EML6: variants seen among roughly 807,000 people sequenced by gnomAD.
EML6 encodes the protein EMAP like 6.
In EML6, 154 loss-of-function variants were observed where a neutral mutation model predicts 240.1. The observed-to-expected ratio is 0.64, with a 90% CI of 0.56 to 0.73. EML6 has a LOEUF of 0.73. Ranked by LOEUF, EML6 falls within the 30% of genes least tolerant of loss-of-function variation. The pLI, the probability that EML6 is intolerant of heterozygous loss-of-function variation, is 0.00. For missense variants in EML6, 2,964 were observed against 2,474.6 expected, an observed-to-expected ratio of 1.20 and a Z score of -4.20; for synonymous variants, 1,148 against 899.0, an observed-to-expected ratio of 1.28 and a Z score of -4.95.
chr2:54,786,599 A>G (rs563271780), intron 2 of EML6, among the ~76,000 whole-genome samples: 7 of 152,308 alleles, frequency 4.6e-5, no homozygotes, highest in Non-Finnish European at 8.8e-5. Context: ...GACAGTTTAC[A>G]CAAGGTAGAA....
chr2:54,925,108 A>G (rs1163761890), intron 26 of EML6, among the ~76,000 whole-genome samples: 1 of 152,164 alleles, frequency 6.6e-6, no homozygotes, highest in Non-Finnish European at 1.5e-5. Context: ...AGATTAAATG[A>G]GTTTATAAGG....
intron 2 of EML6, among the ~76,000 whole-genome samples, chr2:54,796,624 GCA>G (rs553268007): frequency 2.0e-5 from 3 of 151,706 alleles, no homozygotes; most frequent in Admixed American, 1.3e-4. Flanking sequence ...ATACACGAGC[GCA>G]CACACACACT....
At chr2:54,802,055 AT>A (rs1443293897) in intron 2 of EML6, among the ~76,000 whole-genome samples, 1 of 152,170 alleles carries the variant, frequency 6.6e-6, no homozygotes, top group Non-Finnish European at 1.5e-5. Context: ...CAACTTACTC[AT>A]TCAACATGTA....
Position 54,910,891 on chromosome 2 carries a change from A to C in EML6, c.3410-63A>C, listed in dbSNP as rs746071597. 6 of 809,074 alleles carry C rather than the reference A, an allele frequency of 7.4e-6. No homozygotes were observed. In the East Asian group the frequency reaches 1.1e-4, roughly 15 times the overall value. The allele number at this position is 809,074 out of a possible 1,614,324, so 50.1% of individuals were successfully genotyped here. A position where few individuals can be genotyped will look rare whatever the true frequency, so the allele number is the denominator to read the frequency against. ...AATCAAAATAGCACCCATGCTTCTC[A>C]TTTTATAATAAAGAGATAAAGTCAG... On this transcript the variant is annotated intron_variant, in intron 24 of 41. Coordinates refer to ENST00000356458, the MANE Select transcript of EML6 (RefSeq NM_001039753.4).
At chr2:54,795,898 C>A in intron 2 of EML6, among the ~76,000 whole-genome samples, 1 of 152,132 alleles carries the variant, frequency 6.6e-6, no homozygotes, top group East Asian at 1.9e-4. Context: ...TAAAAAGCTG[C>A]TTCTGTGGAA....
chr2:54,903,052 T>C lies in EML6; in HGVS notation c.3133T>C (p.Cys1045Arg). The change falls in exon 23 of 42, where the codon TGC becomes CGC. Residue 1045 changes from cysteine to arginine, a missense_variant. Transcript: ENST00000356458. Reference protein sequence around the residue: ...AVRKLKKGGRCCAFSPDGKAL... With the variant: ...AVRKLKKGGRRCAFSPDGKAL... ...TGTGGATTCTTCTGTAGGTGGAAGA[T>C]GCTGTGCCTTTTCCCCTGATGGGAA... 1 of 1,551,418 alleles carries C rather than the reference T, an allele frequency of 6.4e-7. No individual in the cohort carries two copies. The highest frequency in any genetic ancestry group is 8.7e-7 in the Non-Finnish European group (1 of 1,146,912).
chr2:54,928,010 T>A (rs1674648603), intron 26 of EML6, among the ~76,000 whole-genome samples: 1 of 152,206 alleles, frequency 6.6e-6, no homozygotes, highest in Non-Finnish European at 1.5e-5. Context: ...AGGCAGCACA[T>A]TTGACATTTG....
intron 28 of EML6, among the ~76,000 whole-genome samples, chr2:54,932,237 C>G (rs902785278): frequency 6.6e-6 from 1 of 152,216 alleles, no homozygotes; most frequent in South Asian, 2.1e-4. Flanking sequence ...CAGCTTTCCT[C>G]TAACACACTG....
In EML6 at chr2:54,970,472, A is replaced by T. The variant is rs766264065; in HGVS notation, c.*377A>T. ...AATTTGCATCAAAACTTTTACAAAG[A>T]TGTTTTGCTATTGTTTCTATATACT... On this transcript the variant is annotated 3_prime_UTR_variant, in exon 42 of 42. Transcript: ENST00000356458. 2.9e-4 allele frequency: 63 copies of T among 220,600 alleles called. No individual in the cohort carries two copies. The highest frequency in any genetic ancestry group is 1.4e-4 in the Non-Finnish European group (15 of 109,024). The allele number at this position is 220,600 out of a possible 1,614,324, so 13.7% of individuals were successfully genotyped here.
chr2:54,891,348 A>T (rs932943995), intron 18 of EML6, among the ~76,000 whole-genome samples, 194 bp downstream of exon 18: 1 of 152,254 alleles, frequency 6.6e-6, no homozygotes, highest in Non-Finnish European at 1.5e-5. Context: ...ATGCATATTC[A>T]TCAATACCTA....
intron 7 of EML6, among the ~76,000 whole-genome samples, chr2:54,843,841 T>A (rs1406347129): frequency 2.6e-5 from 1 of 38,254 alleles, no homozygotes; most frequent in Non-Finnish European, 5.4e-5. Context: ...CAAGACTCCA[T>A]CTCAAAAAAA....
In EML6 at chr2:54,827,701, T is replaced by A; in HGVS notation, c.661T>A (p.Tyr221Asn). The A allele has an allele frequency of 6.4e-7, 1 of 1,551,702 alleles. No homozygotes were observed. Among genetic ancestry groups the A allele is most frequent in the East Asian group, 2.4e-5 (1 of 40,902 alleles). The change falls in exon 6 of 42, where the codon TAT (tyrosine) becomes AAT (asparagine). Residue 221 changes from tyrosine (Y) to asparagine (N), a missense_variant. Tyr to Asn is a moderately radical substitution (Grantham distance 143). Transcript: ENST00000356458. ...CTCTGGTGCTTTAAATGGTGACATC[T>A]ATGTCTGGAAAGGGCTCAATTTAGT... ...TYSGALNGDI[Y>N]VWKGLNLVRT...
At chr2:54,750,569 A>G (rs1183703908) in intron 2 of EML6, among the ~76,000 whole-genome samples, 2 of 152,178 alleles carry the variant, frequency 1.3e-5, no homozygotes, top group African/African-American at 2.4e-5. Flanking sequence ...TGTCAGTAGT[A>G]TCTTAGACTC....
chr2:54,952,503 A>T, intron 30 of EML6, 91 bp from the exon 31 acceptor site: 1 of 710,856 alleles, frequency 1.4e-6, no homozygotes, highest in Non-Finnish European at 2.3e-6. Flanking sequence ...CTTTTATAAG[A>T]AGTATCCAAT....
At chr2:54,900,179 T>C (rs567614054) in intron 22 of EML6, among the ~76,000 whole-genome samples, 4 of 152,346 alleles carry the variant, frequency 2.6e-5, no homozygotes, top group Admixed American at 2.6e-4. Context: ...AATATAATAC[T>C]TAAGAAATGA....
chr2:54,879,505 T>A, intron 16 of EML6, 42 bp from the exon 17 acceptor site: 2 of 1,370,374 alleles, frequency 1.5e-6, no homozygotes, highest in Non-Finnish European at 2.0e-6. Context: ...TGTTTTGTTT[T>A]TTCATGGAAG....
At chr2:54,851,839 G>T (rs1437491965) in intron 10 of EML6, among the ~76,000 whole-genome samples, 1 of 152,210 alleles carries the variant, frequency 6.6e-6, no homozygotes, top group Non-Finnish European at 1.5e-5. Flanking sequence ...GGTTAGAAAT[G>T]AATGAAAATG....
Position 54,869,370 on chromosome 2 carries a change from A to G in EML6, c.2238+3A>G. 2 of 1,543,524 alleles carry G rather than the reference A, an allele frequency of 1.3e-6. No individual in the cohort carries two copies. Among genetic ancestry groups the G allele is most frequent in the East Asian group, 2.5e-5 (1 of 40,742 alleles). ...AGGACTATGTGGCTACTGGGCAGGT[A>G]TCTATCTCCTGTAAACTAGGGCCTA... On this transcript the variant is annotated splice_donor_region_variant and intron_variant, in intron 15 of 41. Transcript: ENST00000356458.
At chr2:54,890,839 T>A (rs1160334711) in intron 17 of EML6, among the ~76,000 whole-genome samples, 3 of 152,198 alleles carry the variant, frequency 2.0e-5, no homozygotes, top group Non-Finnish European at 4.4e-5. Context: ...AAATAAACTT[T>A]GGCAGCAATA....
Sources: allele counts gnomAD v4.1 joint callset (sites outside exome capture counted in the v4.1 genomes callset), GRCh38; gene constraint gnomAD v4.1.1; transcripts MANE v1.5; gene names NCBI Gene and HGNC (gene_info 2026-07-23, HGNC 2026-07-21).